Variants in MACROD2 observed in about 807,000 individuals in gnomAD.
The protein encoded by MACROD2 is ADP-ribose glycohydrolase MACROD2.
Under a neutral mutation model 70.4 loss-of-function variants are expected in MACROD2, and 36 were observed. The ratio of observed to expected loss-of-function variants is 0.51; its 90% CI spans 0.39 to 0.68. The LOEUF (loss-of-function observed/expected upper bound fraction) is 0.68, where lower values mean the gene tolerates loss of function less well. MACROD2 is among the 30% of genes least tolerant of loss of function. MACROD2 has a pLI of 0.00. For synonymous variants in MACROD2, 172 were observed against 178.8 expected (o/e 0.96, Z 0.30); for missense variants, 496 against 538.4 (o/e 0.92, Z 0.78).
At chr20:15,209,209 C>T (rs887145941) in intron 5 of MACROD2, among the ~76,000 whole-genome samples, 3 of 151,858 alleles carry the variant, frequency 2.0e-5, no homozygotes, top group East Asian at 1.9e-4. Flanking sequence ...AGGCTGAAAT[C>T]TGTTAGGCAA....
chr20:14,789,562 G>A (rs986300178), intron 5 of MACROD2, among the ~76,000 whole-genome samples: 14 of 125,800 alleles, frequency 1.1e-4, no homozygotes, highest in South Asian at 5.4e-4. Flanking sequence ...TGCAACCTCC[G>A]CCTCCCAGGT....
intron 3 of MACROD2, among the ~76,000 whole-genome samples, chr20:14,149,667 A>C (rs2148710398): frequency 6.6e-6 from 1 of 152,218 alleles, no homozygotes; most frequent in African/African-American, 2.4e-5. Context: ...TTGTCTTTTT[A>C]ATAGTAGCCA....
intron 3 of MACROD2, among the ~76,000 whole-genome samples, chr20:14,434,228 G>GA (rs2084029730): frequency 1.3e-5 from 2 of 152,104 alleles, no homozygotes; most frequent in African/African-American, 4.8e-5. Context: ...AAAGCAAAGA[G>GA]AAAAAATTGC....
At chr20:15,912,199 G>A (rs554656022) in intron 10 of MACROD2, among the ~76,000 whole-genome samples, 2 of 152,272 alleles carry the variant, frequency 1.3e-5, no homozygotes, top group African/African-American at 4.8e-5. Flanking sequence ...GAAATTCTCT[G>A]GATTGTCTGG....
chr20:14,080,939 A>G (rs763717542), intron 2 of MACROD2, among the ~76,000 whole-genome samples: 2 of 152,236 alleles, frequency 1.3e-5, no homozygotes, highest in Non-Finnish European at 2.9e-5. Context: ...TGTATGGGTA[A>G]CTTCATGAGA....
chr20:14,842,776 G>A lies in MACROD2; in HGVS notation c.418+157817G>A, dbSNP rs749145819. 3.9e-5 allele frequency among the ~76,000 whole-genome samples: 6 copies of A among 152,212 alleles called. No individual in the cohort carries two copies. In the Middle Eastern group the frequency reaches 0.01, roughly 259 times the overall value. On this transcript the variant is annotated intron_variant, in intron 5 of 17. Transcript: ENST00000684519. ...TTTTTCATTCAGATATAGGAAATCA[G>A]TAGCACTTGAAATGCCATCCATAGT...
At position 14,096,399 on chromosome 20, in the gene MACROD2, C is replaced by T. The variant is rs189419518; in HGVS notation, c.271+10671C>T. Among the ~76,000 whole-genome samples, 61 of 125,596 alleles carry T rather than the reference C, an allele frequency of 4.9e-4. 1 individual carries two copies. The East Asian group carries it at 0.011, about 23-fold the overall frequency. The allele number at this position is 125,596 out of a possible 152,430, so 82.4% of individuals were successfully genotyped here. On this transcript the variant is annotated intron_variant, in intron 3 of 17. Coordinates refer to ENST00000684519, the MANE Select transcript of MACROD2 (RefSeq NM_001351661.2). ...TTTTTTTTTTTGAGACAGAGTCTTG[C>T]TCTGTCACCCAGGTTGGAGTGCAGT...
chr20:15,030,830 G>T (rs2075268787), intron 5 of MACROD2, among the ~76,000 whole-genome samples: 1 of 152,202 alleles, frequency 6.6e-6, no homozygotes, highest in South Asian at 2.1e-4. Flanking sequence ...TGCAGTTCAT[G>T]ATCTTCATCC....
chr20:14,027,177 C>T (rs2053180535), intron 2 of MACROD2, among the ~76,000 whole-genome samples: 1 of 152,048 alleles, frequency 6.6e-6, no homozygotes, highest in African/African-American at 2.4e-5. Context: ...TTTTTTCTCT[C>T]ATCTTGTCAT....
intron 8 of MACROD2, among the ~76,000 whole-genome samples, chr20:15,630,737 G>C (rs2049276966): frequency 6.6e-6 from 1 of 152,160 alleles, no homozygotes; most frequent in South Asian, 2.1e-4. Flanking sequence ...GGGAGAGGGT[G>C]GTCTTTTCCT....
chr20:14,556,001 C>A (rs1979007832), intron 4 of MACROD2, among the ~76,000 whole-genome samples: 1 of 151,950 alleles, frequency 6.6e-6, no homozygotes, highest in Admixed American at 6.6e-5. Context: ...ATTGAAGTGA[C>A]TTAACCATAT....
At chr20:14,663,805 C>T (rs1282341908) in intron 4 of MACROD2, among the ~76,000 whole-genome samples, 1 of 151,992 alleles carries the variant, frequency 6.6e-6, no homozygotes, top group East Asian at 1.9e-4. Context: ...TGGCATTTAG[C>T]TTTACAGTTA....
chr20:15,748,570 T>G (rs62194674), intron 8 of MACROD2, among the ~76,000 whole-genome samples: 17,231 of 152,080 alleles, frequency 0.11, 1,107 homozygotes, highest in Admixed American at 0.14. Flanking sequence ...ACTCCCACCT[T>G]GGGTAGGCCA....
At chr20:15,189,565 C>A (rs1032232547) in intron 5 of MACROD2, among the ~76,000 whole-genome samples, 1 of 152,150 alleles carries the variant, frequency 6.6e-6, no homozygotes, top group Non-Finnish European at 1.5e-5. Flanking sequence ...TAGGCTATTA[C>A]AATTTCTGAG....
intron 5 of MACROD2, among the ~76,000 whole-genome samples, chr20:14,809,182 A>C (rs1568807990): frequency 6.6e-6 from 1 of 152,106 alleles, no homozygotes; most frequent in African/African-American, 2.4e-5. Flanking sequence ...GCATAATTGG[A>C]AGTAAAACAC....
At chr20:15,050,416 C>A (rs1316328286) in intron 5 of MACROD2, among the ~76,000 whole-genome samples, 1 of 150,282 alleles carries the variant, frequency 6.7e-6, no homozygotes, top group East Asian at 2.0e-4. Flanking sequence ...TTGATAAATT[C>A]AATTACAAAA....
chr20:14,454,100 T>C (rs2084273552), intron 3 of MACROD2, among the ~76,000 whole-genome samples: 1 of 152,002 alleles, frequency 6.6e-6, no homozygotes, highest in South Asian at 2.1e-4. Flanking sequence ...ATTAATACCA[T>C]TGTTTCTGGT....
intron 8 of MACROD2, among the ~76,000 whole-genome samples, chr20:15,626,907 C>A (rs376562930): frequency 1.3e-5 from 2 of 151,286 alleles, no homozygotes; most frequent in East Asian, 3.9e-4. Context: ...ATAGTTGAGG[C>A]CATTGTCACA....
chr20:14,299,296 A>G (rs1034510473), intron 3 of MACROD2, among the ~76,000 whole-genome samples: 1 of 152,226 alleles, frequency 6.6e-6, no homozygotes, highest in African/African-American at 2.4e-5. Context: ...TTTTAGCAAT[A>G]AAGTATTTTT....
Sources: gnomAD v4.1 joint callset for allele counts (sites outside exome capture counted in the v4.1 genomes callset) on GRCh38, gnomAD v4.1.1 for gene constraint, MANE v1.5 for transcripts, NCBI Gene and HGNC (gene_info 2026-07-23, HGNC 2026-07-21) for gene names.